The following TMEM132B variants were observed in gnomAD, a reference collection of about 807,000 sequenced individuals.
TMEM132B encodes the protein transmembrane protein 132B.
A neutral mutation model predicts 90.8 loss-of-function variants in TMEM132B; 18 were observed. That is an observed-to-expected ratio of 0.20 (90% CI 0.14 to 0.29). The LOEUF is 0.29. Among genes scored for constraint, TMEM132B ranks in the 10% least tolerant of loss-of-function variants. TMEM132B has a pLI of 1.00. For synonymous variants in TMEM132B, 504 were observed against 523.3 expected (o/e 0.96, Z 0.50); for missense variants, 1,096 against 1,326.8 (o/e 0.83, Z 2.70).
intron 1 of TMEM132B, among the ~76,000 whole-genome samples, chr12:125,237,861 G>GA (rs1873971441): frequency 1.3e-5 from 2 of 152,186 alleles, no homozygotes; most frequent in South Asian, 4.1e-4. Context: ...GTGGTACATG[G>GA]TGGATGCTTG....
At position 125,363,919 on chromosome 12, in the gene TMEM132B, C is replaced by T. The variant is rs117832538; in HGVS notation, c.959+13576C>T. On this transcript the variant is annotated intron_variant, in intron 2 of 8. Coordinates refer to ENST00000682704, the MANE Select transcript of TMEM132B (RefSeq NM_001366854.1). ...ATAAATGAATAGCTACATATTTATACGGATGAATGCTCTACAGATATGAAA... is the reference window on the plus strand; with the variant it reads ...ATAAATGAATAGCTACATATTTATATGGATGAATGCTCTACAGATATGAAA... 5.4e-4 allele frequency among the ~76,000 whole-genome samples: 82 copies of T among 152,270 alleles called. 1 individual carries two copies. The highest frequency in any genetic ancestry group is 2.1e-3 in the South Asian group (10 of 4,818).
intron 2 of TMEM132B, among the ~76,000 whole-genome samples, chr12:125,402,347 G>A (rs1376873300): frequency 2.0e-5 from 3 of 152,114 alleles, no homozygotes; most frequent in Non-Finnish European, 4.4e-5. Context: ...CCACCACCAC[G>A]CCTGGCTAAT....
chr12:125,253,801 C>T (rs1391338616), intron 1 of TMEM132B, among the ~76,000 whole-genome samples: 1 of 152,126 alleles, frequency 6.6e-6, no homozygotes, highest in African/African-American at 2.4e-5. Context: ...TATTCCAGAG[C>T]CCAAGAAAGT....
At chr12:125,348,815 G>A (rs1194534944) in intron 1 of TMEM132B, among the ~76,000 whole-genome samples, 1 of 152,200 alleles carries the variant, frequency 6.6e-6, no homozygotes, top group Non-Finnish European at 1.5e-5. Flanking sequence ...CAGCACATAT[G>A]TTCTTAAGTT....
At chr12:125,396,061 A>G (rs1879160131) in intron 2 of TMEM132B, among the ~76,000 whole-genome samples, 1 of 152,228 alleles carries the variant, frequency 6.6e-6, no homozygotes, top group African/African-American at 2.4e-5. Flanking sequence ...TTGATTGGCC[A>G]CATACATACC....
Position 125,277,677 on chromosome 12 carries a change from T to C in TMEM132B, c.68-71775T>C, listed in dbSNP as rs1875036222. On this transcript the variant is annotated intron_variant, in intron 1 of 8. Transcript: ENST00000682704. The surrounding 1 kb of genome is among the most constrained non-coding windows in gnomAD (Gnocchi z 4.3). ...TCCAGAGCCTTTGGAGGGAGCAGGG[T>C]CCTACCCACACCTTGGTCTTGGACC... Among the ~76,000 whole-genome samples the C allele has an allele frequency of 6.6e-6, 1 of 152,030 alleles. No homozygotes were observed.
At chr12:125,425,778 T>A (rs1880300294) in intron 3 of TMEM132B, among the ~76,000 whole-genome samples, 1 of 152,254 alleles carries the variant, frequency 6.6e-6, no homozygotes, top group African/African-American at 2.4e-5. Context: ...CTTGGCTTGA[T>A]AGCTCATTTC....
chr12:125,396,897 G>A (rs1374219323), intron 2 of TMEM132B, among the ~76,000 whole-genome samples: 1 of 152,150 alleles, frequency 6.6e-6, no homozygotes, highest in Non-Finnish European at 1.5e-5. Flanking sequence ...CACAGCTAGA[G>A]TCTTGAATTC....
Position 125,561,086 on chromosome 12 carries a change from G to T in TMEM132B, c.1294-22765G>T, listed in dbSNP as rs7963241. Among the ~76,000 whole-genome samples, 604 of 152,060 alleles carry T rather than the reference G, an allele frequency of 4.0e-3. 4 individuals are homozygous for T. Among genetic ancestry groups the T allele is most frequent in the African/African-American group, 0.014 (565 of 41,454 alleles). Reference sequence around the variant, plus strand: ...ACACATGCACACATATGTTTATTGCGGCACTATTCACAATAGCAAAGGCTT... The same window carrying T: ...ACACATGCACACATATGTTTATTGCTGCACTATTCACAATAGCAAAGGCTT... On this transcript the variant is annotated intron_variant, in intron 4 of 8. Transcript: ENST00000682704.
Position 125,593,777 on chromosome 12 carries a change from A to C in TMEM132B, c.1437+9783A>C, listed in dbSNP as rs573684784. On this transcript the variant is annotated intron_variant, in intron 5 of 8. Coordinates refer to ENST00000682704, the MANE Select transcript of TMEM132B (RefSeq NM_001366854.1). ...TTGGTTTCCTGAAGAAACTCAAATT[A>C]AAAAACTTTATAAATTAAGTAGATC... Among the ~76,000 whole-genome samples the C allele has an allele frequency of 2.0e-4, 30 of 152,334 alleles. No individual in the cohort carries two copies. In the East Asian group the frequency reaches 4.8e-3, roughly 24 times the overall value.
chr12:125,472,308 CTTG>C (rs759061831), intron 3 of TMEM132B, among the ~76,000 whole-genome samples: 2 of 152,196 alleles, frequency 1.3e-5, no homozygotes, highest in Admixed American at 6.5e-5. Flanking sequence ...TGGCTGACTT[CTTG>C]TTGTGATAAT....
chr12:125,323,423 G>A (rs532171533), intron 1 of TMEM132B, among the ~76,000 whole-genome samples: 21 of 145,530 alleles, frequency 1.4e-4, no homozygotes, highest in Non-Finnish European at 2.7e-4. Context: ...GCAACAAAGC[G>A]AGACTCTGCC....
At chr12:125,473,818 G>C (rs1881785185) in intron 3 of TMEM132B, among the ~76,000 whole-genome samples, 1 of 152,238 alleles carries the variant, frequency 6.6e-6, no homozygotes, top group Non-Finnish European at 1.5e-5. Flanking sequence ...AAAACTTCCT[G>C]TTGAAGGAGT....
At chr12:125,372,434 T>C (rs1312178022) in intron 2 of TMEM132B, among the ~76,000 whole-genome samples, 1 of 152,226 alleles carries the variant, frequency 6.6e-6, no homozygotes, top group East Asian at 1.9e-4. Context: ...AATAAATATA[T>C]TGGCGGTTTT....
Position 125,653,963 on chromosome 12 carries a change from A to G in TMEM132B, c.2505A>G (p.Glu835=). The G allele has an allele frequency of 1.2e-6, 2 of 1,614,210 alleles. No individual in the cohort carries two copies. Among genetic ancestry groups the G allele is most frequent in the Non-Finnish European group, 1.7e-6 (2 of 1,180,046 alleles). ...GAAACCAGGAGAGAGCAGTCCAGGA[A>G]TGGTTCCACCGTGGCACACCTGTTG... ...REGNQERAVQ[E]WFHRGTPVGQ... The change falls in exon 9 of 9, where the codon GAA becomes GAG. Residue 835 remains glutamate (E), a synonymous_variant. Coordinates refer to ENST00000682704, the MANE Select transcript of TMEM132B (RefSeq NM_001366854.1).
Position 125,186,424 on chromosome 12 carries a change from A to C in TMEM132B, c.-376A>C, listed in dbSNP as rs111723308. ...CTCGAGGGGCGGCCGGCAGATGGCG[A>C]TGGCAGAGGCGGCGGCGGCGGCGGC... On this transcript the variant is annotated 5_prime_UTR_variant, in exon 1 of 9. An upstream start codon of the reference 5' UTR is lost. Coordinates refer to ENST00000682704, the MANE Select transcript of TMEM132B (RefSeq NM_001366854.1). This position sits in a 1 kb window ranked among gnomAD's most constrained non-coding sequence, Gnocchi z 6.3. 1 allele frequency among the ~76,000 whole-genome samples: 147,521 copies of C among 147,522 alleles called. 73,760 individuals carry two copies. Among genetic ancestry groups the C allele is most frequent in the Non-Finnish European group, 1 (66,254 of 66,254 alleles).
intron 2 of TMEM132B, among the ~76,000 whole-genome samples, chr12:125,395,651 T>C (rs1337770088): frequency 2.6e-5 from 4 of 152,166 alleles, no homozygotes; most frequent in African/African-American, 7.2e-5. Context: ...TGTCAGAGCC[T>C]GATTGTTTTT....
At position 125,490,914 on chromosome 12, in the gene TMEM132B, G is replaced by T. The variant is rs989344404; in HGVS notation, c.1107-28525G>T. On this transcript the variant is annotated intron_variant, in intron 3 of 8. Transcript: ENST00000682704. This position sits in a 1 kb window ranked among gnomAD's most constrained non-coding sequence, Gnocchi z 4.2. ...GTTTCTTGGATCATTCATTCTGGAG[G>T]AAGTTAGCTACCATGGTGTAAGGAC... Among the ~76,000 whole-genome samples, 1 of 152,168 alleles carries T rather than the reference G, an allele frequency of 6.6e-6. No individual in the cohort carries two copies. Among genetic ancestry groups the T allele is most frequent in the Admixed American group, 6.5e-5 (1 of 15,272 alleles).
chr12:125,311,450 C>T (rs545505686), intron 1 of TMEM132B, among the ~76,000 whole-genome samples: 5 of 152,278 alleles, frequency 3.3e-5, no homozygotes, highest in East Asian at 3.9e-4. Flanking sequence ...AAAACTCTGG[C>T]GTCATCCCAG....
Sources: gnomAD v4.1 joint callset for allele counts (sites outside exome capture counted in the v4.1 genomes callset) on GRCh38, gnomAD v4.1.1 for gene constraint, Gnocchi (gnomAD v3.1) non-coding constraint, MANE v1.5 for transcripts, NCBI Gene and HGNC (gene_info 2026-07-23, HGNC 2026-07-21) for gene names.